Variants in MAP2K1 observed in about 807,000 individuals in gnomAD.
MAP2K1 encodes dual specificity mitogen-activated protein kinase kinase 1.
A neutral mutation model predicts 46.3 loss-of-function variants in MAP2K1; 16 were observed. That is an observed-to-expected ratio of 0.35 (90% CI 0.23 to 0.52). The LOEUF (loss-of-function observed/expected upper bound fraction) is 0.52. Ranked by LOEUF, MAP2K1 falls within the 20% of genes least tolerant of loss-of-function variation. The pLI, the probability that MAP2K1 is intolerant of heterozygous loss-of-function variation, is 0.94. For missense variants in MAP2K1, 263 were observed against 497.1 expected, an observed-to-expected ratio of 0.53 and a Z score of 4.48; for synonymous variants, 183 against 185.6, an observed-to-expected ratio of 0.99 and a Z score of 0.11.
chr15:66,388,860 T>G (rs1391781726), intron 1 of MAP2K1, among the ~76,000 whole-genome samples: 1 of 152,160 alleles, frequency 6.6e-6, no homozygotes, highest in Admixed American at 6.6e-5. Context: ...AATACTGACT[T>G]GTATAGGTAG....
At chr15:66,452,820 A>G (rs1326166359) in intron 5 of MAP2K1, among the ~76,000 whole-genome samples, 2 of 152,202 alleles carry the variant, frequency 1.3e-5, no homozygotes, top group Non-Finnish European at 2.9e-5. Context: ...GAAACTAAAA[A>G]CCAGCGATTA....
intron 5 of MAP2K1, among the ~76,000 whole-genome samples, chr15:66,462,515 A>C (rs1489522592): frequency 6.6e-6 from 1 of 151,596 alleles, no homozygotes; most frequent in Non-Finnish European, 1.5e-5. Flanking sequence ...AAAAAAAAAA[A>C]AGATTGGTAA....
intron 1 of MAP2K1, among the ~76,000 whole-genome samples, chr15:66,396,504 A>T (rs2093367969): frequency 6.6e-6 from 1 of 151,806 alleles, no homozygotes; most frequent in Admixed American, 6.6e-5. Context: ...TCCTGACCTC[A>T]GGTGATATGC....
chr15:66,444,648 T>C lies in MAP2K1; in HGVS notation c.517-8T>C. ...ATTTTCTTTTCTTTTACATTCCCTT[T>C]CCTCTAGGTAATAAAAGGCCTGACA... On this transcript the variant is annotated splice_polypyrimidine_tract_variant and splice_region_variant and intron_variant, in intron 4 of 10. Transcript: ENST00000307102. 1.3e-6 allele frequency: 2 copies of C among 1,597,088 alleles called. No individual in the cohort carries two copies. The highest frequency in any genetic ancestry group is 1.7e-6 in the Non-Finnish European group (2 of 1,164,530).
intron 5 of MAP2K1, among the ~76,000 whole-genome samples, chr15:66,459,727 A>G (rs746319671): frequency 6.6e-5 from 10 of 152,150 alleles, no homozygotes; most frequent in African/African-American, 1.2e-4. Context: ...GTCTTCAGCA[A>G]TGGTCAGGAT....
At chr15:66,431,555 C>T (rs2093475048) in intron 1 of MAP2K1, among the ~76,000 whole-genome samples, 1 of 152,212 alleles carries the variant, frequency 6.6e-6, no homozygotes, top group Non-Finnish European at 1.5e-5. Flanking sequence ...ACTTCCACTC[C>T]TCTCCCTCTA....
intron 5 of MAP2K1, 51 bp from the exon 6 acceptor site, chr15:66,481,704 C>T: frequency 6.2e-7 from 1 of 1,602,104 alleles, no homozygotes; most frequent in Non-Finnish European, 8.5e-7. Context: ...CCTTCTCTTC[C>T]CCAATCTACC....
chr15:66,435,563 G>A (rs1361444602), intron 2 of MAP2K1, among the ~76,000 whole-genome samples: 1 of 152,026 alleles, frequency 6.6e-6, no homozygotes, highest in African/African-American at 2.4e-5. Flanking sequence ...CCTGACCTCA[G>A]GTGATACGCC....
chr15:66,457,978 A>T (rs1892215829), intron 5 of MAP2K1, among the ~76,000 whole-genome samples: 1 of 151,970 alleles, frequency 6.6e-6, no homozygotes, highest in South Asian at 2.1e-4. Context: ...AAAAAAAAAA[A>T]GAATTTAAAC....
Position 66,443,306 on chromosome 15 carries a change from G to A in MAP2K1, c.465G>A (p.Leu155=), listed in dbSNP as rs1378220160. The part of the protein sequence containing the change: ...HMDGGSLDQV[L]KKAGRIPEQI... ...ATGGAGGTTCTCTGGATCAAGTCCT[G>A]AAGAAAGCTGGAAGAATTCCTGAAC... The change falls in exon 4 of 11, where the codon CTG becomes CTA. Residue 155 remains leucine, a synonymous_variant. Transcript: ENST00000307102. 1 of 1,612,616 alleles carries A rather than the reference G, an allele frequency of 6.2e-7. No homozygotes were observed. Among genetic ancestry groups the A allele is most frequent in the Non-Finnish European group, 8.5e-7 (1 of 1,178,810 alleles).
At chr15:66,470,512 G>A (rs1315580432) in intron 5 of MAP2K1, among the ~76,000 whole-genome samples, 1 of 152,188 alleles carries the variant, frequency 6.6e-6, no homozygotes, top group Admixed American at 6.5e-5. Flanking sequence ...AGGAAAACTT[G>A]CCTTCCTTGT....
intron 1 of MAP2K1, among the ~76,000 whole-genome samples, chr15:66,427,465 A>G (rs2093462124): frequency 6.6e-6 from 1 of 152,014 alleles, no homozygotes; most frequent in African/African-American, 2.4e-5. Flanking sequence ...AGGCTGAGGC[A>G]GGAGAATTGT....
chr15:66,459,946 C>T (rs1193260293), intron 5 of MAP2K1, among the ~76,000 whole-genome samples: 2 of 152,232 alleles, frequency 1.3e-5, no homozygotes, highest in African/African-American at 2.4e-5. Context: ...TGGCCCCTGC[C>T]TCCACCAGCC....
At chr15:66,423,151 TC>T (rs2093447797) in intron 1 of MAP2K1, among the ~76,000 whole-genome samples, 2 of 152,190 alleles carry the variant, frequency 1.3e-5, no homozygotes, top group South Asian at 4.1e-4. Context: ...GATTGTTCCC[TC>T]AGCTCCATGT....
chr15:66,407,159 A>T (rs1297593458), intron 1 of MAP2K1, among the ~76,000 whole-genome samples: 1 of 152,148 alleles, frequency 6.6e-6, no homozygotes, highest in African/African-American at 2.4e-5. Context: ...ACTTCTAGAA[A>T]GTTGGGAATA....
chr15:66,489,111 CTT>C, intron 8 of MAP2K1, 102 bp from the exon 9 acceptor site: 1 of 915,518 alleles, frequency 1.1e-6, no homozygotes, highest in Non-Finnish European at 1.8e-6. Flanking sequence ...GCAGAGAAGA[CTT>C]TAAAAAAAAG....
In MAP2K1 at chr15:66,459,236, C is replaced by T. The variant is rs192003569; in HGVS notation, c.568+14529C>T. ...GCTGAGGCAGGAGAATTGCTTGAACCCGGGAGTCTGAGGTTGCAGTGAGCC... is the reference window on the plus strand; with the variant it reads ...GCTGAGGCAGGAGAATTGCTTGAACTCGGGAGTCTGAGGTTGCAGTGAGCC... On this transcript the variant is annotated intron_variant, in intron 5 of 10. Coordinates refer to ENST00000307102, the MANE Select transcript of MAP2K1 (RefSeq NM_002755.4). 2.1e-3 allele frequency among the ~76,000 whole-genome samples: 316 copies of T among 150,252 alleles called. 6 individuals carry two copies. The highest frequency in any genetic ancestry group is 4.3e-4 in the Non-Finnish European group (29 of 67,694).
chr15:66,484,083 CTAAG>C (rs984354500), intron 6 of MAP2K1, among the ~76,000 whole-genome samples: 2 of 151,140 alleles, frequency 1.3e-5, no homozygotes, highest in African/African-American at 4.9e-5. Flanking sequence ...CTTAGTAATC[CTAAG>C]TAGAGTTTTC....
intron 1 of MAP2K1, among the ~76,000 whole-genome samples, chr15:66,400,389 C>A (rs1459517991): frequency 6.6e-6 from 1 of 152,156 alleles, no homozygotes; most frequent in East Asian, 1.9e-4. Flanking sequence ...TGTGGATATT[C>A]CACCACATCC....
Sources: gnomAD v4.1 joint callset for allele counts (sites outside exome capture counted in the v4.1 genomes callset) on GRCh38, gnomAD v4.1.1 for gene constraint, MANE v1.5 for transcripts, NCBI Gene and HGNC (gene_info 2026-07-23, HGNC 2026-07-21) for gene names.